Variants in PCCA observed in about 807,000 individuals in gnomAD.
The protein encoded by PCCA is propionyl-CoA carboxylase subunit alpha.
In PCCA, 74 loss-of-function variants were observed where a neutral mutation model predicts 101.3. The ratio of observed to expected loss-of-function variants is 0.73; its 90% CI spans 0.61 to 0.89. PCCA has a LOEUF of 0.89. PCCA is among the 40% of genes least tolerant of loss of function. The pLI is 0.00. For missense variants in PCCA, 891 were observed against 907.0 expected (o/e 0.98, Z 0.23); for synonymous variants, 294 against 313.6 (o/e 0.94, Z 0.66).
intron 21 of PCCA, chr13:100,480,213 C>G (rs2083777481): frequency 6.7e-6 from 1 of 150,298 alleles, no homozygotes; most frequent in Non-Finnish European, 1.5e-5. Context: ...TGCAAAGCTC[C>G]ATATTACTAC....
At chr13:100,479,749 C>T (rs1049868660) in intron 21 of PCCA, 1 of 151,498 alleles carries the variant, frequency 6.6e-6, no homozygotes, top group Admixed American at 6.6e-5. Flanking sequence ...GCTCAAGGCT[C>T]AACTGTACAC....
At chr13:100,204,084 A>T (rs1226320980) in intron 6 of PCCA, among the ~76,000 whole-genome samples, 1 of 151,724 alleles carries the variant, frequency 6.6e-6, no homozygotes, top group East Asian at 1.9e-4. Flanking sequence ...GAATAGTATT[A>T]AAAACCACAA....
chr13:100,178,971 G>C (rs1158691373), intron 6 of PCCA, among the ~76,000 whole-genome samples: 3 of 151,466 alleles, frequency 2.0e-5, no homozygotes, highest in African/African-American at 7.3e-5. Flanking sequence ...CAGCTACTCG[G>C]GAGGCTGAGG....
chr13:100,311,106 C>T (rs9557414), intron 16 of PCCA, among the ~76,000 whole-genome samples: 71,344 of 151,322 alleles, frequency 0.47, 16,873 homozygotes, highest in Middle Eastern at 0.54. Flanking sequence ...TGGTGGTGGG[C>T]GTCTGTAATC....
chr13:100,528,377 G>T (rs2088044508), intron 23 of PCCA, among the ~76,000 whole-genome samples: 1 of 152,232 alleles, frequency 6.6e-6, no homozygotes, highest in South Asian at 2.1e-4. Context: ...TGATCCTTTT[G>T]TGAGGGCCGT....
intron 16 of PCCA, among the ~76,000 whole-genome samples, chr13:100,326,362 A>G (rs1000816160): frequency 6.6e-6 from 1 of 152,210 alleles, no homozygotes; most frequent in Non-Finnish European, 1.5e-5. Flanking sequence ...AGAAGAAGAC[A>G]TAGAAGAAGC....
At chr13:100,444,202 ATT>A (rs60275166) in intron 20 of PCCA, among the ~76,000 whole-genome samples, 1,627 of 120,754 alleles carry the variant, frequency 0.013, 19 homozygotes, top group African/African-American at 0.043. Flanking sequence ...TCAGCCCACA[ATT>A]TTTTTTTTTT....
At chr13:100,286,790 G>A (rs1402770785) in intron 12 of PCCA, among the ~76,000 whole-genome samples, 4 of 148,806 alleles carry the variant, frequency 2.7e-5, no homozygotes, top group South Asian at 4.3e-4. Context: ...ACAAATACTC[G>A]TATGAAAACA....
intron 18 of PCCA, among the ~76,000 whole-genome samples, chr13:100,350,902 T>A (rs955078423): frequency 6.6e-6 from 1 of 152,260 alleles, no homozygotes. Context: ...CCAATTCATT[T>A]TGGATTGTTC....
At chr13:100,514,992 G>A (rs1283994526) in intron 21 of PCCA, among the ~76,000 whole-genome samples, 1 of 152,210 alleles carries the variant, frequency 6.6e-6, no homozygotes, top group Non-Finnish European at 1.5e-5. Context: ...GGAGGGCTGT[G>A]GGAAGCTGCA....
intron 6 of PCCA, among the ~76,000 whole-genome samples, chr13:100,206,887 A>G (rs2058887063): frequency 1.3e-5 from 2 of 152,262 alleles, no homozygotes; most frequent in Non-Finnish European, 2.9e-5. Flanking sequence ...CCATAGAGAA[A>G]AGGACGCAGA....
intron 6 of PCCA, among the ~76,000 whole-genome samples, chr13:100,162,503 A>T (rs1052105257): frequency 6.6e-6 from 1 of 152,072 alleles, no homozygotes; most frequent in African/African-American, 2.4e-5. Flanking sequence ...TTTGTTTTTG[A>T]TCGATAGCTT....
intron 15 of PCCA, among the ~76,000 whole-genome samples, chr13:100,308,784 T>C (rs2152695132): frequency 6.6e-6 from 1 of 152,324 alleles, no homozygotes; most frequent in African/African-American, 2.4e-5. Context: ...GGCCTACAAA[T>C]TAATTTTCAA....
intron 20 of PCCA, among the ~76,000 whole-genome samples, chr13:100,426,817 AATATT>A (rs1183361128): frequency 2.0e-5 from 3 of 152,062 alleles, no homozygotes; most frequent in Admixed American, 6.6e-5. Context: ...AACTTTATAT[AATATT>A]ATATCAGTAT....
At chr13:100,298,474 T>C (rs2065738621) in intron 12 of PCCA, among the ~76,000 whole-genome samples, 1 of 152,222 alleles carries the variant, frequency 6.6e-6, no homozygotes, top group Non-Finnish European at 1.5e-5. Context: ...ATCAGACTTC[T>C]GTAGTTACAT....
Position 100,503,407 on chromosome 13 carries a change from T to C in PCCA, c.1900-12020T>C, listed in dbSNP as rs541405580. ...CGGGAGGCTGAGGCAGGAGAATCAC[T>C]TGAACCCAGGAGGTGGAGGTTGTGG... On this transcript the variant is annotated intron_variant, in intron 21 of 23. Coordinates refer to ENST00000376285, the MANE Select transcript of PCCA (RefSeq NM_000282.4). 5.3e-5 allele frequency among the ~76,000 whole-genome samples: 8 copies of C among 152,224 alleles called. 1 individual carries two copies. In the East Asian group the frequency reaches 7.7e-4, roughly 15 times the overall value.
At chr13:100,410,184 A>G (rs771250512) in intron 19 of PCCA, among the ~76,000 whole-genome samples, 3 of 152,134 alleles carry the variant, frequency 2.0e-5, no homozygotes, top group Non-Finnish European at 2.9e-5. Context: ...TAGCCTGACT[A>G]ATTATCTATT....
chr13:100,097,584 T>C (rs1312693258), intron 1 of PCCA, among the ~76,000 whole-genome samples: 1 of 151,982 alleles, frequency 6.6e-6, no homozygotes, highest in Non-Finnish European at 1.5e-5. Flanking sequence ...CCAGGCATGG[T>C]GGCACATGCC....
chr13:100,117,464 A>T (rs2048901807), intron 4 of PCCA, among the ~76,000 whole-genome samples: 1 of 151,550 alleles, frequency 6.6e-6, no homozygotes, highest in African/African-American at 2.4e-5. Context: ...CAATTTGAAA[A>T]TAAGTTACAG....
Sources: gnomAD v4.1 joint callset for allele counts (sites outside exome capture counted in the v4.1 genomes callset) on GRCh38, gnomAD v4.1.1 for gene constraint, MANE v1.5 for transcripts, NCBI Gene and HGNC (gene_info 2026-07-23, HGNC 2026-07-21) for gene names.